CDH18: variants seen among roughly 807,000 people sequenced by gnomAD.
CDH18 encodes the protein cadherin-18.
Under a neutral mutation model 67.9 loss-of-function variants are expected in CDH18, and 31 were observed. The ratio of observed to expected loss-of-function variants is 0.46; its 90% CI spans 0.34 to 0.62. CDH18 has a LOEUF of 0.62. CDH18 is among the 20% of genes least tolerant of loss of function. The probability of loss-of-function intolerance (pLI) is 0.01; values close to 1 mark genes in which losing one functional copy is unlikely to be tolerated. For missense variants in CDH18, 890 were observed against 975.5 expected (o/e 0.91, Z 1.17); for synonymous variants, 362 against 347.2 (o/e 1.04, Z -0.48).
At chr5:20,300,429 T>G (rs778196889) in intron 1 of CDH18, among the ~76,000 whole-genome samples, 2 of 152,040 alleles carry the variant, frequency 1.3e-5, no homozygotes, top group Admixed American at 6.5e-5. Context: ...TGTACTTTTT[T>G]TTCTAGCCAG....
At chr5:19,795,727 T>C (rs1354546624) in intron 3 of CDH18, among the ~76,000 whole-genome samples, 1 of 151,882 alleles carries the variant, frequency 6.6e-6, no homozygotes, top group Non-Finnish European at 1.5e-5. Context: ...AAATTGTAAC[T>C]TAAATGAAAA....
chr5:19,844,674 G>A (rs1782729124), intron 2 of CDH18, among the ~76,000 whole-genome samples: 1 of 152,166 alleles, frequency 6.6e-6, no homozygotes, highest in East Asian at 1.9e-4. Flanking sequence ...GAAAGATGTA[G>A]GAACAGTTGA....
intron 11 of CDH18, among the ~76,000 whole-genome samples, chr5:19,494,495 C>G (rs1429719465): frequency 6.6e-6 from 1 of 152,168 alleles, no homozygotes; most frequent in East Asian, 1.9e-4. Flanking sequence ...TTTGTTTCCC[C>G]TTTTGAACTT....
chr5:20,191,222 T>G (rs1738511787), intron 2 of CDH18, among the ~76,000 whole-genome samples: 1 of 152,136 alleles, frequency 6.6e-6, no homozygotes, highest in South Asian at 2.1e-4. Flanking sequence ...AGTTTATATA[T>G]TCCCCTTAAA....
chr5:19,798,452 C>A (rs141671053), intron 3 of CDH18, among the ~76,000 whole-genome samples: 6 of 151,814 alleles, frequency 4.0e-5, no homozygotes, highest in Non-Finnish European at 4.4e-5. Context: ...AATTTCCAGA[C>A]CTTTGGAAAT....
Position 20,081,846 on chromosome 5 carries a change from G to A in CDH18, c.-517-89832C>T, listed in dbSNP as rs1283322971. Among the ~76,000 whole-genome samples the A allele has an allele frequency of 3.9e-5, 6 of 152,138 alleles. No homozygotes were observed. The East Asian group carries it at 9.6e-4, about 24-fold the overall frequency. On this transcript the variant is annotated intron_variant, in intron 2 of 14. Coordinates refer to the CDH18 transcript ENST00000507958. ...AACAAACAACCACCTATTGGGTACT[G>A]TGCTGATTACCTGGTGATGAAAGAA... is the stretch of plus-strand genomic sequence containing the variant.
intron 1 of CDH18, among the ~76,000 whole-genome samples, chr5:20,439,672 G>A (rs980233382): frequency 6.6e-6 from 1 of 151,482 alleles, no homozygotes; most frequent in South Asian, 2.1e-4. Context: ...TGGCCCAATC[G>A]AAACACTGTT....
chr5:20,489,084 A>G (rs1753413775), intron 1 of CDH18, among the ~76,000 whole-genome samples: 1 of 152,022 alleles, frequency 6.6e-6, no homozygotes, highest in Admixed American at 6.6e-5. Flanking sequence ...CTATTTTCAT[A>G]TCTCTATTAC....
At chr5:19,957,218 A>G (rs1796335469) in intron 2 of CDH18, among the ~76,000 whole-genome samples, 1 of 151,940 alleles carries the variant, frequency 6.6e-6, no homozygotes. Context: ...CCAAGCATGG[A>G]CAAGAGAATC....
intron 1 of CDH18, among the ~76,000 whole-genome samples, chr5:20,327,544 C>T (rs1461391691): frequency 1.3e-5 from 2 of 151,946 alleles, no homozygotes; most frequent in Non-Finnish European, 2.9e-5. Context: ...GCACAGGTCA[C>T]AGATGCTCCT....
At chr5:20,079,678 C>G (rs1025304654) in intron 2 of CDH18, among the ~76,000 whole-genome samples, 1 of 152,138 alleles carries the variant, frequency 6.6e-6, no homozygotes, top group South Asian at 2.1e-4. Flanking sequence ...TCATCACCAA[C>G]ACTTTTGTAA....
intron 3 of CDH18, among the ~76,000 whole-genome samples, chr5:19,806,541 T>A (rs1368440534): frequency 6.6e-6 from 1 of 152,198 alleles, no homozygotes; most frequent in Non-Finnish European, 1.5e-5. Flanking sequence ...TGTCAAAGAT[T>A]TATATCGTAA....
At chr5:19,869,262 A>G (rs923336943) in intron 2 of CDH18, among the ~76,000 whole-genome samples, 3 of 152,118 alleles carry the variant, frequency 2.0e-5, no homozygotes, top group African/African-American at 4.8e-5. Flanking sequence ...TTTCAAAAAA[A>G]TAATCTGAGT....
chr5:20,293,837 C>CAG (rs1048878254), intron 1 of CDH18, among the ~76,000 whole-genome samples: 24 of 152,226 alleles, frequency 1.6e-4, no homozygotes, highest in Admixed American at 7.9e-4. Context: ...GTAAAAACCA[C>CAG]AGGAAACATT....
chr5:20,250,280 T>TG (rs1377073844), intron 2 of CDH18, among the ~76,000 whole-genome samples: 4 of 109,618 alleles, frequency 3.6e-5, no homozygotes, highest in Non-Finnish European at 5.6e-5. Flanking sequence ...GACAATTTTA[T>TG]TTTTTTTTTT....
chr5:20,563,766 C>T (rs1213272237), intron 1 of CDH18, among the ~76,000 whole-genome samples: 1 of 152,072 alleles, frequency 6.6e-6, no homozygotes, highest in African/African-American at 2.4e-5. Flanking sequence ...TTAGAGAGCT[C>T]TATTGCTTAG....
At chr5:20,488,471 G>A (rs1453529728) in intron 1 of CDH18, among the ~76,000 whole-genome samples, 2 of 151,916 alleles carry the variant, frequency 1.3e-5, no homozygotes, top group Non-Finnish European at 2.9e-5. Context: ...TAGGACAAAG[G>A]ATAGTATAAA....
At chr5:19,971,467 A>G (rs1374671234) in intron 2 of CDH18, among the ~76,000 whole-genome samples, 6 of 152,052 alleles carry the variant, frequency 3.9e-5, no homozygotes, top group Non-Finnish European at 8.8e-5. Flanking sequence ...GTATATATAA[A>G]AAGATAGTTT....
intron 1 of CDH18, among the ~76,000 whole-genome samples, chr5:20,408,896 TAAAAC>T (rs1265594741): frequency 6.6e-6 from 1 of 151,590 alleles, no homozygotes; most frequent in Non-Finnish European, 1.5e-5. Flanking sequence ...AAATAGTAAT[TAAAAC>T]AAAGAAAGCT....
Sources: allele counts gnomAD v4.1 joint callset (sites outside exome capture counted in the v4.1 genomes callset), GRCh38; gene constraint gnomAD v4.1.1; transcripts MANE v1.5; gene names NCBI Gene and HGNC (gene_info 2026-07-23, HGNC 2026-07-21).